Variants in ARHGEF28 observed in about 807,000 individuals in gnomAD.
ARHGEF28 encodes the protein Rho guanine nucleotide exchange factor 28.
A neutral mutation model predicts 206.6 loss-of-function variants in ARHGEF28; 152 were observed. The observed-to-expected ratio is 0.74, with a 90% CI of 0.64 to 0.84. The LOEUF is 0.84. ARHGEF28 is among the 40% of genes least tolerant of loss of function. The pLI, the probability that ARHGEF28 is intolerant of heterozygous loss-of-function variation, is 0.00. For missense variants in ARHGEF28, 2,028 were observed against 2,073.2 expected, an observed-to-expected ratio of 0.98 and a Z score of 0.42; for synonymous variants, 763 against 776.4, an observed-to-expected ratio of 0.98 and a Z score of 0.29.
intron 10 of ARHGEF28, among the ~76,000 whole-genome samples, chr5:73,839,490 T>A (rs1456801621): frequency 6.6e-6 from 1 of 152,222 alleles, no homozygotes; most frequent in Non-Finnish European, 1.5e-5. Flanking sequence ...ACTTGATGCC[T>A]TTTGATGACC....
At chr5:73,915,496 G>A (rs1011572016) in intron 35 of ARHGEF28, among the ~76,000 whole-genome samples, 6 of 152,080 alleles carry the variant, frequency 3.9e-5, no homozygotes, top group African/African-American at 1.4e-4. Context: ...GTTGGCTTAA[G>A]AACTTTTTCT....
chr5:73,748,984 A>G (rs1751887236), intron 2 of ARHGEF28, among the ~76,000 whole-genome samples: 1 of 152,072 alleles, frequency 6.6e-6, no homozygotes, highest in Non-Finnish European at 1.5e-5. Flanking sequence ...AATACCCGAG[A>G]GCCCCAGCCT....
At chr5:73,705,171 A>G (rs1261223942) in intron 2 of ARHGEF28, among the ~76,000 whole-genome samples, 2 of 152,218 alleles carry the variant, frequency 1.3e-5, no homozygotes, top group Admixed American at 6.5e-5. Context: ...TGCGTAAAGC[A>G]TTTAAAACAG....
chr5:73,887,230 A>G (rs923795649), intron 25 of ARHGEF28, among the ~76,000 whole-genome samples: 4 of 152,322 alleles, frequency 2.6e-5, no homozygotes, highest in East Asian at 1.9e-4. Context: ...AGATGAAACA[A>G]AATAGCAGGC....
At chr5:73,742,825 C>A (rs557122690) in intron 2 of ARHGEF28, among the ~76,000 whole-genome samples, 1 of 137,250 alleles carries the variant, frequency 7.3e-6, no homozygotes, top group African/African-American at 2.8e-5. Flanking sequence ...AGCGAGACTC[C>A]GTCTCAAAAA....
In ARHGEF28 at chr5:73,840,740, A is replaced by G. The variant is rs988155450; in HGVS notation, c.1407A>G (p.Gln469=). 1 of 1,609,334 alleles carries G rather than the reference A, an allele frequency of 6.2e-7. No homozygotes were observed. Among genetic ancestry groups the G allele is most frequent in the African/African-American group, 1.3e-5 (1 of 74,996 alleles). The part of the protein sequence containing the change: ...SFGWHGFEKE[Q]SHLKKRSSSL... The stretch of plus-strand genomic sequence containing the variant: ...GTTGGCATGGATTTGAAAAGGAACA[A>G]AGTCATCTAAAGAAAAGAAGGTAAG... The change falls in exon 11 of 36, where the codon CAA becomes CAG. Residue 469 remains glutamine, a synonymous_variant. Transcript: ENST00000513042.
chr5:73,772,671 C>T (rs1482085497), intron 4 of ARHGEF28, among the ~76,000 whole-genome samples: 1 of 152,166 alleles, frequency 6.6e-6, no homozygotes, highest in East Asian at 1.9e-4. Context: ...AGCCACCACG[C>T]CTGGCCTTAT....
At chr5:73,713,007 A>G (rs1244784221) in intron 2 of ARHGEF28, among the ~76,000 whole-genome samples, 2 of 152,174 alleles carry the variant, frequency 1.3e-5, no homozygotes, top group African/African-American at 4.8e-5. Flanking sequence ...CCCAAATGTA[A>G]TTATATTTTC....
In ARHGEF28 at chr5:73,635,575, A is replaced by G. The variant is rs143838917; in HGVS notation, c.-12+9253A>G. 2.2e-3 allele frequency among the ~76,000 whole-genome samples: 330 copies of G among 152,198 alleles called. 1 individual carries two copies. The highest frequency in any genetic ancestry group is 6.8e-3 in the African/African-American group (284 of 41,524). On this transcript the variant is annotated intron_variant, in intron 1 of 35. Coordinates refer to ENST00000513042, the MANE Select transcript of ARHGEF28 (RefSeq NM_001177693.2). The stretch of plus-strand genomic sequence containing the variant: ...TGGCTATTTATAAAGCTTGGTGGAG[A>G]TGGAATTTGGATATGGTAGTGTAGT...
intron 1 of ARHGEF28, among the ~76,000 whole-genome samples, chr5:73,654,202 C>T (rs1745027044): frequency 6.6e-6 from 1 of 152,192 alleles, no homozygotes; most frequent in Admixed American, 6.5e-5. Context: ...ATCCTACTTC[C>T]TGTCAGTGCT....
chr5:73,680,573 C>T (rs187301676), intron 1 of ARHGEF28, among the ~76,000 whole-genome samples: 223 of 151,012 alleles, frequency 1.5e-3, no homozygotes, highest in African/African-American at 5.1e-3. Context: ...GTACACTGCT[C>T]GGGTGATAGG....
At chr5:73,676,082 T>TC (rs1327296599) in intron 1 of ARHGEF28, among the ~76,000 whole-genome samples, 3 of 149,608 alleles carry the variant, frequency 2.0e-5, no homozygotes, top group Non-Finnish European at 4.4e-5. Flanking sequence ...TTTTTTTTTT[T>TC]TTTTTGAGAC....
intron 23 of ARHGEF28, 105 bp from the exon 24 acceptor site, chr5:73,883,661 AG>A: frequency 1.7e-6 from 1 of 584,508 alleles, no homozygotes; most frequent in Non-Finnish European, 2.8e-6. Context: ...ATGAATGTTA[AG>A]TCTGCATAAA....
At chr5:73,782,132 T>TTAA (rs1554062955) in intron 7 of ARHGEF28, among the ~76,000 whole-genome samples, 2 of 143,232 alleles carry the variant, frequency 1.4e-5, no homozygotes, top group Non-Finnish European at 3.0e-5. Flanking sequence ...GCATGTTTGT[T>TTAA]AAAAAAAAAA....
At chr5:73,795,752 A>T (rs2112488145) in intron 9 of ARHGEF28, among the ~76,000 whole-genome samples, 1 of 152,276 alleles carries the variant, frequency 6.6e-6, no homozygotes, top group African/African-American at 2.4e-5. Flanking sequence ...TAGATGGTGG[A>T]ACCGAGACTC....
chr5:73,656,528 G>T (rs898593791), intron 1 of ARHGEF28, among the ~76,000 whole-genome samples: 3 of 152,098 alleles, frequency 2.0e-5, no homozygotes, highest in Non-Finnish European at 2.9e-5. Flanking sequence ...AATATAGCCA[G>T]TTACTTCTCA....
intron 1 of ARHGEF28, among the ~76,000 whole-genome samples, chr5:73,642,540 C>CATTTAA (rs935106122): frequency 3.9e-5 from 6 of 152,112 alleles, no homozygotes; most frequent in Non-Finnish European, 8.8e-5. Context: ...ATTTTAAATG[C>CATTTAA]ATTGCATTTT....
At chr5:73,918,213 A>C (rs1763317862) in intron 35 of ARHGEF28, among the ~76,000 whole-genome samples, 1 of 152,224 alleles carries the variant, frequency 6.6e-6, no homozygotes, top group Non-Finnish European at 1.5e-5. Flanking sequence ...TAAATATTTT[A>C]GTTTTTGCAA....
chr5:73,627,192 C>G (rs1743064424), intron 1 of ARHGEF28: 1 of 152,290 alleles, frequency 6.6e-6, no homozygotes, highest in African/African-American at 2.4e-5. Context: ...TGCGGCTTCT[C>G]CCGCCTTGAC....
Sources: gnomAD v4.1 joint callset for allele counts (sites outside exome capture counted in the v4.1 genomes callset) on GRCh38, gnomAD v4.1.1 for gene constraint, MANE v1.5 for transcripts, NCBI Gene and HGNC (gene_info 2026-07-23, HGNC 2026-07-21) for gene names.